Variants in FAT3 observed in about 807,000 individuals in gnomAD.
FAT3 encodes the protein protocadherin Fat 3.
Under a neutral mutation model 310.2 loss-of-function variants are expected in FAT3, and 95 were observed. The observed-to-expected ratio is 0.31, with a 90% CI of 0.26 to 0.36. The LOEUF is 0.36. FAT3 is among the 10% of genes least tolerant of loss of function. The pLI is 1.00. For synonymous variants in FAT3, 2,314 were observed against 2,192.9 expected, an observed-to-expected ratio of 1.06 and a Z score of -1.54; for missense variants, 5,408 against 5,715.6, an observed-to-expected ratio of 0.95 and a Z score of 1.74.
intron 2 of FAT3, among the ~76,000 whole-genome samples, chr11:92,512,889 G>A (rs1446847509): frequency 1.0e-5 from 1 of 96,974 alleles, no homozygotes; most frequent in Non-Finnish European, 2.1e-5. Context: ...TTGGGAGGCC[G>A]AGGCGGGCGG....
Position 92,843,937 on chromosome 11 carries a change from A to G in FAT3, c.10570A>G (p.Lys3524Glu). ...SLEYVLCVQAKDSGKPQQVSH... is the reference protein window; with the variant it reads ...SLEYVLCVQAEDSGKPQQVSH... Reference sequence around the variant, plus strand: ...TTTCACCTCTTGGTTGTTTTAGGCAAAGGATTCAGGCAAACCCCAGCAAGT... The same window carrying G: ...TTTCACCTCTTGGTTGTTTTAGGCAGAGGATTCAGGCAAACCCCAGCAAGT... The change falls in exon 19 of 28, where the codon AAG (lysine) becomes GAG (glutamate). Residue 3524 changes from lysine (K) to glutamate (E), a missense_variant. Physicochemically the swap from Lys to Glu is moderately conservative, Grantham distance 56. Coordinates refer to ENST00000525166, the MANE Select transcript of FAT3 (RefSeq NM_001367949.2). 1 of 1,593,008 alleles carries G rather than the reference A, an allele frequency of 6.3e-7. No homozygotes were observed. Among genetic ancestry groups the G allele is most frequent in the Non-Finnish European group, 8.6e-7 (1 of 1,168,220 alleles).
chr11:92,523,564 C>A (rs781403996), intron 2 of FAT3, among the ~76,000 whole-genome samples: 1 of 152,116 alleles, frequency 6.6e-6, no homozygotes, highest in Non-Finnish European at 1.5e-5. Context: ...CTAATTTAGA[C>A]AAAAGTTTAA....
chr11:92,430,900 C>A (rs1156661986), intron 2 of FAT3, among the ~76,000 whole-genome samples: 2 of 152,058 alleles, frequency 1.3e-5, no homozygotes, highest in Non-Finnish European at 2.9e-5. Context: ...TTTCTTAATC[C>A]AGTCTATCAT....
rs1397682692 is a variant in FAT3 at position 92,883,274 on chromosome 11, T to C, written c.12818T>C (p.Ile4273Thr). The C allele has an allele frequency of 1.2e-6, 2 of 1,612,726 alleles. No individual in the cohort carries two copies. The highest frequency in any genetic ancestry group is 1.7e-6 in the Non-Finnish European group (2 of 1,179,818). Reference protein sequence around the residue: ...MTTFHPESPRILTARRGVVVC... With the variant: ...MTTFHPESPRTLTARRGVVVC... ...ACGTTTCACCCTGAGTCGCCCCGCATCCTGACAGCCCGGCGGGGCGTGGTC... is the reference window on the plus strand; with the variant it reads ...ACGTTTCACCCTGAGTCGCCCCGCACCCTGACAGCCCGGCGGGGCGTGGTC... Residue 4273 changes from isoleucine (I) to threonine (T), a missense_variant, in exon 24 of 28, where the codon ATC (isoleucine) becomes ACC (threonine). Physicochemically the swap from Ile to Thr is moderately conservative, Grantham distance 89. Around this residue, in one of 5 missense-constraint regions of FAT3, gnomAD observed 649 missense variants for 666.2 expected, o/e 0.97. Transcript: ENST00000525166. This position sits in a 1 kb window ranked among gnomAD's most constrained non-coding sequence, Gnocchi z 4.2.
Position 92,315,512 on chromosome 11 carries a change from T to TAGAG in FAT3, c.-17-36544_-17-36541dup, listed in dbSNP as rs374021850. ...ATATATATATATATATATATATATA[T>TAGAG]AGAGAGAGAGAGAGAGAGAGAGAGA... is the stretch of plus-strand genomic sequence containing the variant. On this transcript the variant is annotated intron_variant, in intron 1 of 27. Transcript: ENST00000525166. 7.0e-3 allele frequency among the ~76,000 whole-genome samples: 393 copies of TAGAG among 56,150 alleles called. 9 individuals are homozygous for TAGAG. The highest frequency in any genetic ancestry group is 0.012 in the South Asian group (12 of 1,030). The allele number at this position is 56,150 out of a possible 152,430, so 36.8% of individuals were successfully genotyped here. A position where few individuals can be genotyped will look rare whatever the true frequency, so the allele number is the denominator to read the frequency against.
At chr11:92,876,328 C>T (rs1050477312) in intron 22 of FAT3, among the ~76,000 whole-genome samples, 5 of 152,314 alleles carry the variant, frequency 3.3e-5, no homozygotes, top group East Asian at 1.9e-4. Context: ...CACAAAGAAG[C>T]GTTTTTCCCA....
chr11:92,321,725 G>C (rs1947625426), intron 1 of FAT3, among the ~76,000 whole-genome samples: 1 of 152,160 alleles, frequency 6.6e-6, no homozygotes, highest in Admixed American at 6.5e-5. Context: ...TGTAGACTTG[G>C]GGGTGCAGCT....
At chr11:92,674,676 C>T (rs1047605972) in intron 3 of FAT3, among the ~76,000 whole-genome samples, 21 of 152,068 alleles carry the variant, frequency 1.4e-4, no homozygotes, top group Non-Finnish European at 1.5e-5. Context: ...GCATGCTCCA[C>T]CATGCCCAGC....
intron 2 of FAT3, among the ~76,000 whole-genome samples, chr11:92,430,244 C>A (rs1436064610): frequency 6.6e-6 from 1 of 152,176 alleles, no homozygotes; most frequent in African/African-American, 2.4e-5. Context: ...TTATGTTCTT[C>A]TCTAGACTGG....
intron 2 of FAT3, among the ~76,000 whole-genome samples, chr11:92,397,040 A>G (rs1949885414): frequency 6.6e-6 from 1 of 152,094 alleles, no homozygotes; most frequent in Non-Finnish European, 1.5e-5. Context: ...ACACACCTTT[A>G]TAAATAAATG....
chr11:92,831,793 C>T lies in FAT3; in HGVS notation c.9653C>T (p.Ser3218Phe). ...CAGAGTCCTGGACAGTCCCTGTCCT[C>T]TCTCACTACTGTCACCATCACCGTT... Reference protein sequence around the residue: ...TDQSPGQSLSSLTTVTITVLD... With the variant: ...TDQSPGQSLSFLTTVTITVLD... The change falls in exon 14 of 28, where the codon TCT becomes TTT. Residue 3218 changes from serine (S) to phenylalanine (F), a missense_variant. Ser to Phe is a radical substitution (Grantham distance 155, BLOSUM62 -2). Transcript: ENST00000525166. The T allele has an allele frequency of 1.2e-6, 2 of 1,613,556 alleles. No homozygotes were observed. The highest frequency in any genetic ancestry group is 1.7e-6 in the Non-Finnish European group (2 of 1,179,754).
intron 3 of FAT3, among the ~76,000 whole-genome samples, chr11:92,640,643 C>T (rs1187135759): frequency 6.6e-6 from 1 of 152,166 alleles, no homozygotes; most frequent in African/African-American, 2.4e-5. Context: ...ATATTGAGCA[C>T]ACTGCACTTT....
At chr11:92,753,917 G>A (rs1945900082) in intron 4 of FAT3, among the ~76,000 whole-genome samples, 1 of 151,710 alleles carries the variant, frequency 6.6e-6, no homozygotes, top group African/African-American at 2.4e-5. Flanking sequence ...ACCAAACATT[G>A]TATATTCTCA....
intron 4 of FAT3, among the ~76,000 whole-genome samples, chr11:92,704,636 G>A (rs879326781): frequency 6.6e-6 from 1 of 152,200 alleles, no homozygotes. Flanking sequence ...TTTGAAGAGA[G>A]AGGGAAAAGA....
chr11:92,743,650 C>A (rs189029927), intron 4 of FAT3, among the ~76,000 whole-genome samples: 3 of 152,342 alleles, frequency 2.0e-5, no homozygotes, highest in South Asian at 4.1e-4. Flanking sequence ...CTAAGGAGGA[C>A]AGCTTGCTAT....
chr11:92,652,552 G>T (rs140361755), intron 3 of FAT3, among the ~76,000 whole-genome samples: 1 of 152,124 alleles, frequency 6.6e-6, no homozygotes, highest in Non-Finnish European at 1.5e-5. Context: ...TCAGTAGCTT[G>T]CCTAGGATGA....
At chr11:92,262,990 CT>C (rs906319856) in intron 1 of FAT3, among the ~76,000 whole-genome samples, 357 of 146,350 alleles carry the variant, frequency 2.4e-3, no homozygotes, top group African/African-American at 6.6e-3. Flanking sequence ...AGTTTTCTCT[CT>C]TTTTTTTTTT....
At chr11:92,720,577 A>G (rs1321219738) in intron 4 of FAT3, among the ~76,000 whole-genome samples, 1 of 152,212 alleles carries the variant, frequency 6.6e-6, no homozygotes, top group Non-Finnish European at 1.5e-5. Context: ...GACTTTTGAC[A>G]GTATTCCACA....
At chr11:92,298,244 A>G (rs1242562554) in intron 1 of FAT3, among the ~76,000 whole-genome samples, 1 of 152,096 alleles carries the variant, frequency 6.6e-6, no homozygotes, top group East Asian at 1.9e-4. Flanking sequence ...TTTTAACTTT[A>G]ATTAAATTAT....
Sources: gnomAD v4.1 joint callset for allele counts (sites outside exome capture counted in the v4.1 genomes callset) on GRCh38, gnomAD v4.1.1 for gene constraint, gnomAD v4.1.1 regional missense constraint, Gnocchi (gnomAD v3.1) non-coding constraint, MANE v1.5 for transcripts, NCBI Gene and HGNC (gene_info 2026-07-23, HGNC 2026-07-21) for gene names.